The following EMC3 variants were observed in gnomAD, a reference collection of about 807,000 sequenced individuals.
The protein encoded by EMC3 is 30 kDa protein.
A neutral mutation model predicts 36.6 loss-of-function variants in EMC3; 13 were observed. The ratio of observed to expected loss-of-function variants is 0.35; its 90% CI spans 0.23 to 0.56. The LOEUF (loss-of-function observed/expected upper bound fraction) is 0.56, where lower values mean the gene tolerates loss of function less well. Ranked by LOEUF, EMC3 falls within the 20% of genes least tolerant of loss-of-function variation. The pLI, the probability that EMC3 is intolerant of heterozygous loss-of-function variation, is 0.84. For synonymous variants in EMC3, 120 were observed against 111.9 expected, an observed-to-expected ratio of 1.07 and a Z score of -0.46; for missense variants, 220 against 324.5, an observed-to-expected ratio of 0.68 and a Z score of 2.47.
At chr3:9,996,591 T>TC (rs1312294338) in intron 1 of EMC3, among the ~76,000 whole-genome samples, 1 of 152,112 alleles carries the variant, frequency 6.6e-6, no homozygotes, top group Non-Finnish European at 1.5e-5. Flanking sequence ...TTTTTTATCT[T>TC]CCCCCCTGCC....
At chr3:9,987,011 C>T (rs2085983384), upstream of EMC3, 2 of 1,052,596 alleles carry the variant, frequency 1.9e-6, no homozygotes. Flanking sequence ...GTCAGGGGAT[C>T]GAGACCATCC....
At chr3:10,001,577 CA>C (rs530876800) in intron 1 of EMC3, among the ~76,000 whole-genome samples, 35 of 131,164 alleles carry the variant, frequency 2.7e-4, no homozygotes, top group Admixed American at 1.2e-3. Flanking sequence ...GACTCCGTCT[CA>C]AAAAAAAAAA....
chr3:9,991,972 A>G (rs907735802), intron 1 of EMC3, among the ~76,000 whole-genome samples: 14 of 152,102 alleles, frequency 9.2e-5, no homozygotes, highest in African/African-American at 3.1e-4. Context: ...TGCAGCCGCT[A>G]ATCTGACAGG....
At chr3:9,978,991 C>T (rs898512206) in intron 1 of EMC3, among the ~76,000 whole-genome samples, 12 of 152,122 alleles carry the variant, frequency 7.9e-5, no homozygotes, top group African/African-American at 2.7e-4. Flanking sequence ...GTTCCAGTGC[C>T]CTTTCCTTTC....
intron 1 of EMC3, among the ~76,000 whole-genome samples, chr3:9,980,555 T>A (rs971613029): frequency 1.1e-5 from 1 of 90,640 alleles, no homozygotes; most frequent in Non-Finnish European, 2.3e-5. Context: ...GTTTTTTTTG[T>A]TTTTTTTTTT....
chr3:9,987,902 G>A, upstream of EMC3: 12 of 971,776 alleles, frequency 1.2e-5, no homozygotes, highest in South Asian at 1.3e-4. Context: ...TTAACTTTCT[G>A]CAGGTAATCT....
chr3:9,974,299 GAA>G, intron 4 of EMC3, 83 bp downstream of exon 4: 1 of 923,730 alleles, frequency 1.1e-6, no homozygotes, highest in Non-Finnish European at 1.7e-6. Flanking sequence ...GTTTACAAAA[GAA>G]AACACAGGAC....
chr3:9,979,003 G>A (rs1468343476), intron 1 of EMC3, among the ~76,000 whole-genome samples: 2 of 152,002 alleles, frequency 1.3e-5, no homozygotes, highest in African/African-American at 2.4e-5. Flanking sequence ...TTTCCTTTCC[G>A]AGTTCTACTC....
intron 1 of EMC3, among the ~76,000 whole-genome samples, chr3:10,001,304 G>A (rs945444266): frequency 1.3e-5 from 2 of 151,166 alleles, no homozygotes; most frequent in Admixed American, 6.6e-5. Flanking sequence ...GCTCACGCCT[G>A]TATTCCCAGC....
intron 1 of EMC3, among the ~76,000 whole-genome samples, chr3:9,998,626 A>G (rs1298657528): frequency 6.6e-6 from 1 of 151,862 alleles, no homozygotes; most frequent in Non-Finnish European, 1.5e-5. Flanking sequence ...CCTGATGAGT[A>G]CGGAGTGATA....
Position 9,964,093 on chromosome 3 carries a change from C to T in EMC3, c.762G>A (p.Lys254=), listed in dbSNP as rs868480919. ...KDLHFEGMFK[K]ELQTSIF ...TTCAAAAAATAGAGGTCTGTAATTC[C>T]TTTTTGAACATGCCTTCGAAGTGGA... Residue 254 remains lysine, a synonymous_variant, in exon 8 of 8, where the codon AAG becomes AAA. Transcript: ENST00000245046. The T allele has an allele frequency of 1.9e-6, 3 of 1,614,142 alleles. No individual in the cohort carries two copies. In the Middle Eastern group the frequency reaches 4.9e-4, roughly 266 times the overall value.
intron 1 of EMC3, chr3:10,000,914 G>C: frequency 2.3e-6 from 1 of 429,380 alleles, no homozygotes. Flanking sequence ...GCACACTTCT[G>C]AACAAAAATC....
At chr3:9,976,886 G>T in intron 3 of EMC3, 71 bp downstream of exon 3, 1 of 1,088,812 alleles carries the variant, frequency 9.2e-7, no homozygotes, top group Non-Finnish European at 1.4e-6. Flanking sequence ...CACCCTCCCT[G>T]CCTACCCCAC....
Position 10,003,727 on chromosome 3 carries a change from A to T in EMC3, c.-242+7296T>A, listed in dbSNP as rs190952157. ...ATTGTACGGTTGTATCAAGTGATTG[A>T]CACCCCCAACACCAGTTATTTATTT... On this transcript the variant is annotated intron_variant, in intron 1 of 8. Coordinates refer to the EMC3 transcript ENST00000470827. 4 of 165,692 alleles carry T rather than the reference A, an allele frequency of 2.4e-5. No individual in the cohort carries two copies. The East Asian group carries it at 6.1e-4, about 25-fold the overall frequency. 10.3% of individuals were successfully genotyped at this position (165,692 alleles called of 1,614,324 possible).
upstream of EMC3, chr3:9,987,403 G>T: frequency 3.5e-6 from 2 of 577,460 alleles, no homozygotes; most frequent in Non-Finnish European, 4.4e-6. Context: ...GCCCTGAGAT[G>T]GGATAGTCCC....
intron 7 of EMC3, among the ~76,000 whole-genome samples, chr3:9,965,996 G>A (rs188152639): frequency 6.6e-6 from 1 of 152,184 alleles, no homozygotes; most frequent in African/African-American, 2.4e-5. Context: ...GTTTCTGTGT[G>A]GACATACATT....
chr3:9,963,087 A>T lies in EMC3; in HGVS notation c.*982T>A, dbSNP rs892555386. The T allele has an allele frequency of 2.6e-5, 4 of 152,190 alleles. No individual in the cohort carries two copies. The highest frequency in any genetic ancestry group is 9.7e-5 in the African/African-American group (4 of 41,448). The allele number at this position is 152,190 out of a possible 1,614,324, so 9.4% of individuals were successfully genotyped here. Reference sequence around the variant, plus strand: ...TAGAATCTGGCAGTGCCTCAGGGTCACTGATTTTCACTGGGCAGAATTAAG... The same window carrying T: ...TAGAATCTGGCAGTGCCTCAGGGTCTCTGATTTTCACTGGGCAGAATTAAG... On this transcript the variant is annotated 3_prime_UTR_variant, in exon 8 of 8. Transcript: ENST00000245046.
At chr3:9,974,538 A>C (rs767167012) in intron 3 of EMC3, 50 bp from the exon 4 acceptor site, 1 of 1,265,590 alleles carries the variant, frequency 7.9e-7, no homozygotes. Flanking sequence ...CTCTGTTGCC[A>C]GGGACTTTCT....
intron 7 of EMC3, among the ~76,000 whole-genome samples, chr3:9,968,492 G>C (rs1473002481): frequency 6.6e-6 from 1 of 152,044 alleles, no homozygotes; most frequent in Non-Finnish European, 1.5e-5. Flanking sequence ...AACTGCCCTG[G>C]CTAGTACATC....
Sources: allele counts gnomAD v4.1 joint callset (sites outside exome capture counted in the v4.1 genomes callset), GRCh38; gene constraint gnomAD v4.1.1; transcripts MANE v1.5; gene names NCBI Gene and HGNC (gene_info 2026-07-23, HGNC 2026-07-21).